The following ANK3 variants were observed in gnomAD, a reference collection of about 807,000 sequenced individuals.
ANK3 encodes the protein ankyrin 3, also known as ankyrin-3.
ANK3 carries 57 observed loss-of-function variants against 370.9 expected under a neutral mutation model. That is an observed-to-expected ratio of 0.15 (90% CI 0.12 to 0.19). ANK3 has a LOEUF of 0.19. Ranked by LOEUF, ANK3 falls within the 10% of genes least tolerant of loss-of-function variation. The pLI is 1.00. For missense variants in ANK3, 4,439 were observed against 5,302.1 expected (o/e 0.84, Z 5.06); for synonymous variants, 1,929 against 1,946.3 (o/e 0.99, Z 0.23).
chr10:60,120,615 C>G (rs1196677309), intron 25 of ANK3, among the ~76,000 whole-genome samples: 3 of 131,498 alleles, frequency 2.3e-5, no homozygotes. Flanking sequence ...AAACAACTCT[C>G]TAAGGAAAAA....
chr10:60,210,746 G>A lies in ANK3; in HGVS notation c.997-2513C>T, dbSNP rs563050873. ...GGGGAAGAAATAAAAAACCAGATGA[G>A]GGTTGTCTCCAAACTTCAGAATATG... On this transcript the variant is annotated intron_variant, in intron 9 of 43. Coordinates refer to ENST00000280772, the MANE Select transcript of ANK3 (RefSeq NM_020987.5). Among the ~76,000 whole-genome samples, 5 of 152,146 alleles carry A rather than the reference G, an allele frequency of 3.3e-5. No homozygotes were observed. In the East Asian group the frequency reaches 9.6e-4, roughly 29 times the overall value.
intron 4 of ANK3, among the ~76,000 whole-genome samples, chr10:60,271,895 A>G (rs2097993009): frequency 6.6e-6 from 1 of 150,948 alleles, no homozygotes; most frequent in Non-Finnish European, 1.5e-5. Context: ...GTAACAAGTT[A>G]GGTGATCTAG....
At chr10:60,197,917 A>C (rs947617358) in intron 14 of ANK3, among the ~76,000 whole-genome samples, 1 of 152,264 alleles carries the variant, frequency 6.6e-6, no homozygotes, top group Admixed American at 6.5e-5. Flanking sequence ...AAAAAGAACA[A>C]GAACAAACAA....
intron 1 of ANK3, among the ~76,000 whole-genome samples, chr10:60,361,336 A>C (rs1198962459): frequency 3.3e-5 from 5 of 152,194 alleles, no homozygotes; most frequent in Non-Finnish European, 1.5e-5. Flanking sequence ...GGGAGTTTTC[A>C]CCTGTATTTG....
At chr10:60,104,826 G>A (rs919251660) in intron 28 of ANK3, among the ~76,000 whole-genome samples, 3 of 152,262 alleles carry the variant, frequency 2.0e-5, no homozygotes, top group African/African-American at 4.8e-5. Flanking sequence ...AACAAGGACT[G>A]TATTTCACAT....
At chr10:60,613,974 T>G (rs2078234875) in intron 2 of ANK3, among the ~76,000 whole-genome samples, 1 of 152,062 alleles carries the variant, frequency 6.6e-6, no homozygotes, top group African/African-American at 2.4e-5. Flanking sequence ...CTTGGGAGAC[T>G]GAGGCAGGAG....
At position 60,296,346 on chromosome 10, in the gene ANK3, C is replaced by A. The variant is rs1357340452; in HGVS notation, c.115-16707G>T. 6.6e-5 allele frequency among the ~76,000 whole-genome samples: 10 copies of A among 152,130 alleles called. No homozygotes were observed. In the South Asian group the frequency reaches 1.9e-3, roughly 28 times the overall value. On this transcript the variant is annotated intron_variant, in intron 1 of 43. Coordinates refer to ENST00000280772, the MANE Select transcript of ANK3 (RefSeq NM_020987.5). Reference sequence around the variant, plus strand: ...GCAAGTGATGCTGCCAAAAAGATAGCATGAGAATTCCTTAAGGACAACTTG... The same window carrying A: ...GCAAGTGATGCTGCCAAAAAGATAGAATGAGAATTCCTTAAGGACAACTTG...
chr10:60,522,840 C>T (rs1457875182), intron 2 of ANK3, among the ~76,000 whole-genome samples: 1 of 151,966 alleles, frequency 6.6e-6, no homozygotes, highest in Admixed American at 6.6e-5. Context: ...ATGAGGAAAC[C>T]AGTAAGACAT....
intron 2 of ANK3, among the ~76,000 whole-genome samples, chr10:60,425,101 C>T (rs2063855018): frequency 6.6e-6 from 1 of 151,964 alleles, no homozygotes; most frequent in Non-Finnish European, 1.5e-5. Context: ...AAATACATTT[C>T]AGGGTAGAGA....
chr10:60,192,875 C>G (rs189038145), intron 16 of ANK3, among the ~76,000 whole-genome samples: 54 of 152,190 alleles, frequency 3.5e-4, no homozygotes, highest in Non-Finnish European at 7.4e-4. Flanking sequence ...GCCTCAACAC[C>G]CTATATCAAC....
chr10:60,266,750 A>G (rs1375135792), intron 5 of ANK3, among the ~76,000 whole-genome samples: 1 of 152,202 alleles, frequency 6.6e-6, no homozygotes, highest in Non-Finnish European at 1.5e-5. Context: ...TTGTTTCAAA[A>G]CCAAGTTTAA....
intron 17 of ANK3, among the ~76,000 whole-genome samples, chr10:60,181,871 G>T (rs530357680): frequency 6.6e-6 from 1 of 152,276 alleles, no homozygotes; most frequent in South Asian, 2.1e-4. Context: ...TCTGTAGGCT[G>T]CATGAAAAAT....
chr10:60,385,839 C>T (rs772146106), intron 1 of ANK3, among the ~76,000 whole-genome samples: 1 of 152,100 alleles, frequency 6.6e-6, no homozygotes, highest in Non-Finnish European at 1.5e-5. Context: ...TAAATATATA[C>T]AAGCATGTAT....
chr10:60,173,873 A>ATG (rs1355902049), intron 18 of ANK3, among the ~76,000 whole-genome samples: 1 of 152,146 alleles, frequency 6.6e-6, no homozygotes, highest in Non-Finnish European at 1.5e-5. Flanking sequence ...GTGTGTGTAT[A>ATG]TGTGTGTGTA....
At chr10:60,621,990 T>C (rs1038734752) in intron 1 of ANK3, among the ~76,000 whole-genome samples, 6 of 152,142 alleles carry the variant, frequency 3.9e-5, no homozygotes, top group African/African-American at 1.4e-4. Context: ...GAGTGCAAGT[T>C]CTAGAACACG....
chr10:60,083,702 C>T (rs1193153987), intron 32 of ANK3, 85 bp from the exon 33 acceptor site: 1 of 1,167,854 alleles, frequency 8.6e-7, no homozygotes, highest in Non-Finnish European at 1.2e-6. Flanking sequence ...CGTTAAAAGA[C>T]TGACGTTACT....
chr10:60,731,388 A>T (rs914461932), intron 1 of ANK3, among the ~76,000 whole-genome samples: 1 of 152,218 alleles, frequency 6.6e-6, no homozygotes, highest in African/African-American at 2.4e-5. Context: ...TTGAGCTACA[A>T]TATCTGCTAT....
chr10:60,435,007 C>A (rs995054337), intron 2 of ANK3, among the ~76,000 whole-genome samples: 40 of 152,286 alleles, frequency 2.6e-4, no homozygotes, highest in African/African-American at 9.4e-4. Flanking sequence ...GAACTATAAG[C>A]ATAACTCTGA....
At chr10:60,566,690 T>C (rs1040628919) in intron 2 of ANK3, among the ~76,000 whole-genome samples, 3 of 152,084 alleles carry the variant, frequency 2.0e-5, no homozygotes, top group African/African-American at 7.2e-5. Context: ...GTGGGCAACA[T>C]TGTGAGACCT....
Sources: gnomAD v4.1 joint callset for allele counts (sites outside exome capture counted in the v4.1 genomes callset) on GRCh38, gnomAD v4.1.1 for gene constraint, MANE v1.5 for transcripts, NCBI Gene and HGNC (gene_info 2026-07-23, HGNC 2026-07-21) for gene names.